Variants in ATG10 observed in about 807,000 individuals in gnomAD.
The protein encoded by ATG10 is autophagy related 10.
In ATG10, 30 loss-of-function variants were observed where a neutral mutation model predicts 32.1. The observed-to-expected ratio is 0.94, with a 90% CI of 0.70 to 1.27. The LOEUF is 1.27. Among genes scored for constraint, ATG10 ranks in the 50% most tolerant of loss-of-function variants. The probability of loss-of-function intolerance (pLI) is 0.00; values close to 1 mark genes in which losing one functional copy is unlikely to be tolerated. For synonymous variants in ATG10, 87 were observed against 91.5 expected (o/e 0.95, Z 0.28); for missense variants, 233 against 262.3 (o/e 0.89, Z 0.77).
intron 2 of ATG10, among the ~76,000 whole-genome samples, chr5:82,054,950 T>C (rs1344217047): frequency 6.6e-6 from 1 of 152,146 alleles, no homozygotes; most frequent in East Asian, 1.9e-4. Context: ...GGAGTGTTAA[T>C]TGGAATGGTC....
intron 1 of ATG10, among the ~76,000 whole-genome samples, chr5:81,985,670 T>G (rs1368648083): frequency 6.6e-6 from 1 of 152,220 alleles, no homozygotes; most frequent in Non-Finnish European, 1.5e-5. Flanking sequence ...AGTTGTATTG[T>G]CCATACCTAG....
At chr5:82,194,220 A>T (rs988386240) in intron 5 of ATG10, among the ~76,000 whole-genome samples, 2 of 152,084 alleles carry the variant, frequency 1.3e-5, no homozygotes, top group Non-Finnish European at 2.9e-5. Context: ...GGAAGAAGCC[A>T]AGTAAAATAG....
chr5:82,051,432 T>C (rs564708784), intron 2 of ATG10, among the ~76,000 whole-genome samples: 20 of 152,304 alleles, frequency 1.3e-4, no homozygotes, highest in South Asian at 6.2e-4. Context: ...CCCAAAATAC[T>C]GCAGGACCAA....
intron 3 of ATG10, among the ~76,000 whole-genome samples, chr5:82,110,071 C>T (rs553485521): frequency 1.2e-3 from 186 of 151,614 alleles, no homozygotes; most frequent in African/African-American, 4.3e-3. Flanking sequence ...GTCCTTGTGA[C>T]AGTTTGCTGA....
At chr5:82,242,176 C>T (rs1746833498) in intron 5 of ATG10, among the ~76,000 whole-genome samples, 1 of 152,040 alleles carries the variant, frequency 6.6e-6, no homozygotes, top group Admixed American at 6.6e-5. Flanking sequence ...GAAAGTATGA[C>T]ATAGGAAGAC....
intron 2 of ATG10, among the ~76,000 whole-genome samples, chr5:81,989,411 G>T (rs2149669717): frequency 6.6e-6 from 1 of 152,148 alleles, no homozygotes; most frequent in East Asian, 1.9e-4. Flanking sequence ...ACTTTGACAG[G>T]GTGGTTTATG....
intron 3 of ATG10, among the ~76,000 whole-genome samples, chr5:82,076,438 CT>C (rs1450077408): frequency 6.6e-6 from 1 of 152,140 alleles, no homozygotes; most frequent in East Asian, 1.9e-4. Flanking sequence ...ACTAGAATTT[CT>C]TGACTCCTCC....
rs1391613547 is a variant in ATG10, at chr5:82,225,887, T to C, written c.454-26675T>C. On this transcript the variant is annotated intron_variant, in intron 5 of 7. Transcript: ENST00000282185. Reference sequence around the variant, plus strand: ...TCTAGTGTGAACCTAAGTCTGATACTAACTTCTAGCTATGACTCAGATGGA... The same window carrying C: ...TCTAGTGTGAACCTAAGTCTGATACCAACTTCTAGCTATGACTCAGATGGA... Among the ~76,000 whole-genome samples, 3 of 152,246 alleles carry C rather than the reference T, an allele frequency of 2.0e-5. No homozygotes were observed. In the South Asian group the frequency reaches 6.2e-4, roughly 31 times the overall value.
chr5:81,987,177 G>T (rs943824704), intron 1 of ATG10, among the ~76,000 whole-genome samples: 1 of 152,154 alleles, frequency 6.6e-6, no homozygotes, highest in African/African-American at 2.4e-5. Context: ...GGCTGGAGTA[G>T]AGTGGCATGA....
At chr5:82,159,395 G>A (rs1743209903) in intron 3 of ATG10, among the ~76,000 whole-genome samples, 1 of 152,068 alleles carries the variant, frequency 6.6e-6, no homozygotes, top group African/African-American at 2.4e-5. Flanking sequence ...GGATAAGTGG[G>A]AGCTAGGTGG....
intron 4 of ATG10, among the ~76,000 whole-genome samples, chr5:82,175,514 A>C (rs1310095412): frequency 6.6e-6 from 1 of 152,206 alleles, no homozygotes; most frequent in Admixed American, 6.5e-5. Flanking sequence ...AACTCTACGA[A>C]TATAACTGAA....
At chr5:82,099,795 C>T (rs991653794) in intron 3 of ATG10, among the ~76,000 whole-genome samples, 5 of 152,016 alleles carry the variant, frequency 3.3e-5, no homozygotes, top group Non-Finnish European at 5.9e-5. Flanking sequence ...AGCTAAAAGA[C>T]ATTCATTTCA....
chr5:82,026,091 C>T (rs1002323615), intron 2 of ATG10, among the ~76,000 whole-genome samples: 4 of 152,194 alleles, frequency 2.6e-5, no homozygotes, highest in Admixed American at 2.6e-4. Context: ...TTTTCCAGAA[C>T]TTTCCATTTT....
intron 3 of ATG10, among the ~76,000 whole-genome samples, chr5:82,133,423 G>T (rs752783641): frequency 6.6e-6 from 1 of 152,078 alleles, no homozygotes; most frequent in Admixed American, 6.6e-5. Flanking sequence ...AAAGCGTCCA[G>T]TTTCAGTTTT....
chr5:81,985,393 C>G (rs1761230676), intron 1 of ATG10, among the ~76,000 whole-genome samples: 1 of 152,158 alleles, frequency 6.6e-6, no homozygotes, highest in Non-Finnish European at 1.5e-5. Context: ...CTGTTACCAT[C>G]TATGTAACGT....
intron 2 of ATG10, among the ~76,000 whole-genome samples, chr5:82,036,165 A>G (rs575261569): frequency 1.3e-5 from 2 of 152,236 alleles, no homozygotes; most frequent in East Asian, 1.9e-4. Flanking sequence ...TTACTGACCC[A>G]TCTGTTTGTT....
intron 2 of ATG10, among the ~76,000 whole-genome samples, chr5:82,017,192 G>A (rs1007703449): frequency 2.0e-5 from 3 of 151,398 alleles, no homozygotes; most frequent in Non-Finnish European, 4.4e-5. Flanking sequence ...AAGGGGTTGA[G>A]TTCTTGATTT....
chr5:82,147,171 C>A, intron 3 of ATG10: 1 of 200,132 alleles, frequency 5.0e-6, no homozygotes, highest in Non-Finnish European at 1.1e-5. Flanking sequence ...TAAACTTTTT[C>A]TCTTTTTTCT....
At chr5:81,987,205 C>T (rs1471787065) in intron 1 of ATG10, among the ~76,000 whole-genome samples, 1 of 152,242 alleles carries the variant, frequency 6.6e-6, no homozygotes, top group African/African-American at 2.4e-5. Context: ...TAACTGCAGT[C>T]TTGAACTCCT....
Sources: allele counts gnomAD v4.1 joint callset (sites outside exome capture counted in the v4.1 genomes callset), GRCh38; gene constraint gnomAD v4.1.1; transcripts MANE v1.5; gene names NCBI Gene and HGNC (gene_info 2026-07-23, HGNC 2026-07-21).